DLG2: variants seen among roughly 807,000 people sequenced by gnomAD.
DLG2 encodes discs large MAGUK scaffold protein 2.
In DLG2, 45 loss-of-function variants were observed where a neutral mutation model predicts 132.5. The observed-to-expected ratio is 0.34, with a 90% confidence interval of 0.27 to 0.44. DLG2 has a LOEUF of 0.44. DLG2 is among the 20% of genes least tolerant of loss of function. The pLI, the probability that DLG2 is intolerant of heterozygous loss-of-function variation, is 1.00. For synonymous variants in DLG2, 424 were observed against 419.6 expected (o/e 1.01, Z -0.13); for missense variants, 1,045 against 1,196.9 (o/e 0.87, Z 1.87).
intron 6 of DLG2, among the ~76,000 whole-genome samples, chr11:84,536,523 A>G (rs1476173943): frequency 1.3e-5 from 2 of 152,214 alleles, no homozygotes; most frequent in African/African-American, 4.8e-5. Flanking sequence ...TGGGAATGTA[A>G]TCTGCCTCAG....
Position 84,872,136 on chromosome 11 carries a change from G to A in DLG2, c.357+239525C>T, listed in dbSNP as rs546982995. Among the ~76,000 whole-genome samples the A allele has an allele frequency of 1.4e-4, 22 of 152,272 alleles. No homozygotes were observed. The South Asian group carries it at 4.6e-3, about 32-fold the overall frequency. On this transcript the variant is annotated intron_variant, in intron 6 of 27. Transcript: ENST00000376104. ...GAATCTGTACTGATCAGGTATTGGAGTGCACTTTATGCTGGGAAATAATGC... is the reference window on the plus strand; with the variant it reads ...GAATCTGTACTGATCAGGTATTGGAATGCACTTTATGCTGGGAAATAATGC...
At chr11:83,658,389 A>G (rs886172612) in intron 18 of DLG2, among the ~76,000 whole-genome samples, 1 of 152,232 alleles carries the variant, frequency 6.6e-6, no homozygotes, top group African/African-American at 2.4e-5. Flanking sequence ...ATCAGTCCAA[A>G]CCATAATTAT....
At position 84,670,961 on chromosome 11, in the gene DLG2, T is replaced by A. The variant is rs2099705198; in HGVS notation, c.358-136230A>T. Among the ~76,000 whole-genome samples the A allele has an allele frequency of 4.6e-5, 7 of 152,256 alleles. No homozygotes were observed. In the South Asian group the frequency reaches 1.5e-3, roughly 32 times the overall value. ...GAATTAATTACCATAAGAAAAAAAATTACAAATTTACAACCTCTTGCAGCA... is the reference window on the plus strand; with the variant it reads ...GAATTAATTACCATAAGAAAAAAAAATACAAATTTACAACCTCTTGCAGCA... On this transcript the variant is annotated intron_variant, in intron 6 of 27. Coordinates refer to ENST00000376104, the MANE Select transcript of DLG2 (RefSeq NM_001142699.3).
In DLG2 at chr11:84,137,370, G is replaced by A. The variant is rs566172126; in HGVS notation, c.624+26091C>T. ...AGCCCCATGTATTCACAAAGAAGCT[G>A]AGTTTTCTGTGAATGAGGTTTCGGC... is the stretch of plus-strand genomic sequence containing the variant. On this transcript the variant is annotated intron_variant, in intron 9 of 27. Transcript: ENST00000376104. Among the ~76,000 whole-genome samples the A allele has an allele frequency of 3.3e-5, 5 of 152,220 alleles. No homozygotes were observed. In the East Asian group the frequency reaches 9.6e-4, roughly 29 times the overall value.
chr11:83,642,848 C>G (rs750429452), intron 18 of DLG2, among the ~76,000 whole-genome samples: 23 of 152,010 alleles, frequency 1.5e-4, no homozygotes, highest in Non-Finnish European at 1.3e-4. Context: ...AGAGAATACT[C>G]AGCTTTCTCA....
intron 6 of DLG2, among the ~76,000 whole-genome samples, chr11:84,988,313 T>C (rs956696672): frequency 6.6e-6 from 1 of 152,118 alleles, no homozygotes; most frequent in East Asian, 1.9e-4. Flanking sequence ...CACTACACTA[T>C]GGAGAACTAA....
intron 18 of DLG2, among the ~76,000 whole-genome samples, chr11:83,717,689 G>T (rs930171270): frequency 5.9e-5 from 9 of 152,204 alleles, no homozygotes; most frequent in Non-Finnish European, 1.2e-4. Flanking sequence ...GCTGCCTTTT[G>T]TTGGTGAAAT....
At chr11:85,201,777 T>C (rs1374228666) in intron 4 of DLG2, among the ~76,000 whole-genome samples, 1 of 152,154 alleles carries the variant, frequency 6.6e-6, no homozygotes, top group Admixed American at 6.5e-5. Flanking sequence ...CCTAAAGTGA[T>C]GGAGATGTGT....
intron 3 of DLG2, among the ~76,000 whole-genome samples, chr11:85,597,900 T>G: frequency 8.7e-6 from 1 of 115,384 alleles, no homozygotes; most frequent in African/African-American, 2.6e-5. Flanking sequence ...TAGTTGGTTG[T>G]TTTTTTGGGA....
chr11:84,696,730 G>T (rs1239193499), intron 6 of DLG2, among the ~76,000 whole-genome samples: 3 of 151,284 alleles, frequency 2.0e-5, no homozygotes, highest in Non-Finnish European at 4.4e-5. Flanking sequence ...TAATGTTAAG[G>T]ATACATATGG....
intron 6 of DLG2, among the ~76,000 whole-genome samples, chr11:84,949,610 G>A (rs1234947840): frequency 6.6e-6 from 1 of 152,126 alleles, no homozygotes; most frequent in Non-Finnish European, 1.5e-5. Flanking sequence ...AAAGAATTCA[G>A]CAATATTTCT....
chr11:83,839,153 T>C (rs2056970103), intron 16 of DLG2, among the ~76,000 whole-genome samples: 1 of 152,178 alleles, frequency 6.6e-6, no homozygotes, highest in African/African-American at 2.4e-5. Flanking sequence ...GTAGATTTTA[T>C]TTATTTTACC....
intron 15 of DLG2, among the ~76,000 whole-genome samples, chr11:83,889,552 T>C (rs1189354050): frequency 6.6e-6 from 1 of 152,186 alleles, no homozygotes; most frequent in African/African-American, 2.4e-5. Flanking sequence ...AGTGTGGTGA[T>C]TCCTCAGGGA....
intron 7 of DLG2, among the ~76,000 whole-genome samples, chr11:84,334,615 T>C (rs914676258): frequency 1.3e-5 from 2 of 152,206 alleles, no homozygotes; most frequent in African/African-American, 2.4e-5. Flanking sequence ...TATTCATTTG[T>C]TCAACAAATA....
At chr11:84,140,551 A>G (rs1595993106) in intron 9 of DLG2, among the ~76,000 whole-genome samples, 1 of 152,148 alleles carries the variant, frequency 6.6e-6, no homozygotes, top group Admixed American at 6.5e-5. Context: ...AATGCTAAAC[A>G]TGCAGGATGT....
chr11:84,090,139 C>T (rs1038488589), intron 10 of DLG2, among the ~76,000 whole-genome samples: 3 of 152,184 alleles, frequency 2.0e-5, no homozygotes, highest in Admixed American at 6.5e-5. Context: ...GCTGGCCAGG[C>T]GCGGTGGCTC....
chr11:84,469,804 C>T (rs7358309), intron 7 of DLG2, among the ~76,000 whole-genome samples: 4 of 151,468 alleles, frequency 2.6e-5, no homozygotes, highest in African/African-American at 9.7e-5. Context: ...GAAATACAGC[C>T]TCATAAAAAT....
Position 84,874,818 on chromosome 11 carries a change from C to A in DLG2, c.357+236843G>T, listed in dbSNP as rs532632695. ...AGCTGATTACCTGAGGTCAGGCATT[C>A]AAGACCAGCCTAGCCAATATGGTGA... is the stretch of plus-strand genomic sequence containing the variant. On this transcript the variant is annotated intron_variant, in intron 6 of 27. Transcript: ENST00000376104. Among the ~76,000 whole-genome samples the A allele has an allele frequency of 3.0e-4, 46 of 152,100 alleles. 2 individuals carry two copies. The South Asian group carries it at 9.1e-3, about 30-fold the overall frequency.
chr11:85,257,358 C>T (rs2152707430), intron 4 of DLG2, among the ~76,000 whole-genome samples: 1 of 152,192 alleles, frequency 6.6e-6, no homozygotes, highest in African/African-American at 2.4e-5. Context: ...GTACCTTTTT[C>T]TATACAAAAG....
Sources: gnomAD v4.1 joint callset for allele counts (sites outside exome capture counted in the v4.1 genomes callset) on GRCh38, gnomAD v4.1.1 for gene constraint, MANE v1.5 for transcripts, NCBI Gene and HGNC (gene_info 2026-07-23, HGNC 2026-07-21) for gene names.